NR3C1: variants seen among roughly 807,000 people sequenced by gnomAD.
NR3C1 encodes glucocorticoid receptor.
Under a neutral mutation model 74.0 loss-of-function variants are expected in NR3C1, and 14 were observed. The ratio of observed to expected loss-of-function variants is 0.19; its 90% CI spans 0.12 to 0.30. The LOEUF (loss-of-function observed/expected upper bound fraction) is 0.30. Ranked by LOEUF, NR3C1 falls within the 10% of genes least tolerant of loss-of-function variation. The probability of loss-of-function intolerance (pLI) is 1.00; values close to 1 mark genes in which losing one functional copy is unlikely to be tolerated. For synonymous variants in NR3C1, 308 were observed against 332.5 expected, an observed-to-expected ratio of 0.93 and a Z score of 0.80; for missense variants, 695 against 909.8, an observed-to-expected ratio of 0.76 and a Z score of 3.04.
chr5:143,405,370 C>G (rs1018207229), upstream of NR3C1: 2 of 985,106 alleles, frequency 2.0e-6, no homozygotes, highest in Non-Finnish European at 2.4e-6. Context: ...GCTCCCCCTG[C>G]TCTGACATCT....
chr5:143,433,306 C>G (rs1751926251), intron 1 of NR3C1, among the ~76,000 whole-genome samples: 1 of 122,366 alleles, frequency 8.2e-6, no homozygotes, highest in African/African-American at 2.8e-5. Context: ...ATGACCATCT[C>G]TCATTAACAG....
At chr5:143,362,486 G>A (rs528582925) in intron 2 of NR3C1, among the ~76,000 whole-genome samples, 5 of 150,568 alleles carry the variant, frequency 3.3e-5, no homozygotes, top group African/African-American at 1.2e-4. Context: ...TCAGCCTCCC[G>A]AGTAGCTGGG....
chr5:143,325,714 G>T (rs1271614888), intron 2 of NR3C1, among the ~76,000 whole-genome samples: 1 of 152,158 alleles, frequency 6.6e-6, no homozygotes, highest in African/African-American at 2.4e-5. Context: ...TATACATATA[G>T]GATTTGGGAT....
At chr5:143,371,289 A>C (rs1403139128) in intron 2 of NR3C1, among the ~76,000 whole-genome samples, 1 of 152,244 alleles carries the variant, frequency 6.6e-6, no homozygotes, top group Non-Finnish European at 1.5e-5. Context: ...AAATTCCTTT[A>C]ATTCCAACAT....
At chr5:143,380,997 G>T (rs1409309041) in intron 2 of NR3C1, among the ~76,000 whole-genome samples, 4 of 152,128 alleles carry the variant, frequency 2.6e-5, no homozygotes, top group Non-Finnish European at 5.9e-5. Flanking sequence ...TGGAATGGAA[G>T]AAGTCAAATT....
At chr5:143,313,906 C>T (rs1194972127) in intron 3 of NR3C1, 96 bp downstream of exon 3, 61 of 1,348,258 alleles carry the variant, frequency 4.5e-5, no homozygotes, top group Non-Finnish European at 6.0e-5. Context: ...GATATTTAGC[C>T]TTTCATGGGC....
At chr5:143,385,718 G>C (rs1196599024) in intron 2 of NR3C1, among the ~76,000 whole-genome samples, 2 of 152,180 alleles carry the variant, frequency 1.3e-5, no homozygotes, top group Non-Finnish European at 2.9e-5. Flanking sequence ...GACCACCTCA[G>C]CCTGGACTTT....
chr5:143,423,776 T>TA (rs1389604338), intron 1 of NR3C1, among the ~76,000 whole-genome samples: 4 of 151,974 alleles, frequency 2.6e-5, no homozygotes, highest in Admixed American at 6.6e-5. Flanking sequence ...TATTCAGCCA[T>TA]AAAAAAGAAT....
At chr5:143,283,979 A>ATGCATTAT (rs1324630604) in intron 7 of NR3C1, among the ~76,000 whole-genome samples, 3 of 152,358 alleles carry the variant, frequency 2.0e-5, no homozygotes, top group Non-Finnish European at 4.4e-5. Context: ...GAGAGGGGAA[A>ATGCATTAT]TGCATTATTT....
At chr5:143,296,970 C>T (rs183949044) in intron 6 of NR3C1, among the ~76,000 whole-genome samples, 49 of 148,256 alleles carry the variant, frequency 3.3e-4, no homozygotes, top group African/African-American at 1.2e-3. Flanking sequence ...CCCAGCTATT[C>T]GGGAGGCTGA....
exon 1 of NR3C1, chr5:143,434,939 T>C: frequency 1.0e-6 from 1 of 985,072 alleles, no homozygotes; most frequent in Non-Finnish European, 1.2e-6. Context: ...GATCAGAAGA[T>C]CCTGTCTCTC....
chr5:143,381,126 T>C (rs989247874), intron 2 of NR3C1, among the ~76,000 whole-genome samples: 6 of 152,152 alleles, frequency 3.9e-5, no homozygotes, highest in Non-Finnish European at 8.8e-5. Flanking sequence ...CAAAAATCTG[T>C]GGCATTTCTA....
intron 1 of NR3C1, among the ~76,000 whole-genome samples, chr5:143,429,320 A>G (rs1285111982): frequency 1.3e-5 from 2 of 152,216 alleles, no homozygotes; most frequent in African/African-American, 2.4e-5. Context: ...GAGCACAATT[A>G]ATTAATTTTA....
intron 7 of NR3C1, among the ~76,000 whole-genome samples, chr5:143,285,204 G>A (rs1599666030): frequency 6.6e-6 from 1 of 152,154 alleles, no homozygotes; most frequent in East Asian, 1.9e-4. Context: ...TGAGGCCATA[G>A]AGGAAAGAAA....
chr5:143,424,322 G>A (rs1402285743), intron 1 of NR3C1, among the ~76,000 whole-genome samples: 1 of 152,134 alleles, frequency 6.6e-6, no homozygotes, highest in East Asian at 1.9e-4. Context: ...GGTGACTACA[G>A]TTAACAAAAA....
chr5:143,317,616 T>A (rs142124691), intron 2 of NR3C1, among the ~76,000 whole-genome samples: 23 of 152,058 alleles, frequency 1.5e-4, no homozygotes, highest in African/African-American at 5.5e-4. Context: ...TATGTTAGAG[T>A]TCAGAGAGAG....
chr5:143,415,940 C>G (rs1247182915), intron 1 of NR3C1, among the ~76,000 whole-genome samples: 2 of 152,188 alleles, frequency 1.3e-5, no homozygotes, highest in Non-Finnish European at 2.9e-5. Flanking sequence ...CTATGCAGGA[C>G]AGGCTACTAG....
intron 7 of NR3C1, among the ~76,000 whole-genome samples, chr5:143,293,167 G>GTA (rs960472129): frequency 2.0e-5 from 3 of 152,068 alleles, no homozygotes; most frequent in African/African-American, 7.2e-5. Flanking sequence ...AGAAAATGTG[G>GTA]TATATATATA....
chr5:143,401,990 A>C (rs1028592290), intron 1 of NR3C1, among the ~76,000 whole-genome samples: 5 of 152,226 alleles, frequency 3.3e-5, no homozygotes, highest in African/African-American at 1.2e-4. Flanking sequence ...TTGGGACACT[A>C]TAGTCAAATC....
Sources: allele counts gnomAD v4.1 joint callset (sites outside exome capture counted in the v4.1 genomes callset), GRCh38; gene constraint gnomAD v4.1.1; transcripts MANE v1.5; gene names NCBI Gene and HGNC (gene_info 2026-07-23, HGNC 2026-07-21).